UTRN: variants seen among roughly 807,000 people sequenced by gnomAD.
UTRN encodes utrophin.
A neutral mutation model predicts 463.9 loss-of-function variants in UTRN; 283 were observed. The observed-to-expected ratio is 0.61, with a 90% CI of 0.55 to 0.67. UTRN has a LOEUF of 0.67. Ranked by LOEUF, UTRN falls within the 30% of genes least tolerant of loss-of-function variation. UTRN has a pLI of 0.00. For missense variants in UTRN, 3,922 were observed against 4,084.3 expected, an observed-to-expected ratio of 0.96 and a Z score of 1.08; for synonymous variants, 1,442 against 1,431.5, an observed-to-expected ratio of 1.01 and a Z score of -0.17.
chr6:144,636,945 G>A (rs1157589758), intron 51 of UTRN, among the ~76,000 whole-genome samples: 1 of 152,000 alleles, frequency 6.6e-6, no homozygotes, highest in Non-Finnish European at 1.5e-5. Context: ...GGTTGAAATC[G>A]TGCTTCTTTC....
chr6:144,732,911 T>G (rs1788916222), intron 54 of UTRN, among the ~76,000 whole-genome samples: 1 of 152,116 alleles, frequency 6.6e-6, no homozygotes, highest in Admixed American at 6.5e-5. Context: ...TTGTGTTGCC[T>G]AGGTTGGTCA....
intron 13 of UTRN, among the ~76,000 whole-genome samples, chr6:144,441,447 T>G (rs1186563165): frequency 6.6e-6 from 1 of 152,210 alleles, no homozygotes; most frequent in African/African-American, 2.4e-5. Flanking sequence ...TCCTTTGACT[T>G]CATGTTTCAC....
intron 51 of UTRN, among the ~76,000 whole-genome samples, chr6:144,633,413 T>A (rs1331903444): frequency 6.6e-6 from 1 of 152,068 alleles, no homozygotes; most frequent in South Asian, 2.1e-4. Context: ...GTATTTTTTT[T>A]AGTAAAGACG....
intron 51 of UTRN, among the ~76,000 whole-genome samples, chr6:144,651,516 C>G (rs1778814297): frequency 6.6e-6 from 1 of 152,004 alleles, no homozygotes; most frequent in Admixed American, 6.6e-5. Flanking sequence ...CTTTTTTATC[C>G]CATGAAATAT....
At chr6:144,455,196 G>A (rs1175897345) in intron 19 of UTRN, among the ~76,000 whole-genome samples, 1 of 151,956 alleles carries the variant, frequency 6.6e-6, no homozygotes, top group Non-Finnish European at 1.5e-5. Context: ...TTATGCAAAT[G>A]TATTATCAAT....
chr6:144,560,882 A>G (rs772069204), intron 50 of UTRN, among the ~76,000 whole-genome samples: 12 of 152,036 alleles, frequency 7.9e-5, no homozygotes, highest in Non-Finnish European at 1.2e-4. Context: ...AGTAATTAAT[A>G]TAGTTACTTT....
intron 2 of UTRN, among the ~76,000 whole-genome samples, chr6:144,296,289 A>G (rs2473135): frequency 0.098 from 14,966 of 152,238 alleles, 763 homozygotes; most frequent in African/African-American, 0.13. Context: ...GTGAGACTCT[A>G]TGGTGAACCG....
intron 51 of UTRN, among the ~76,000 whole-genome samples, chr6:144,635,552 T>G (rs1175539956): frequency 7.6e-6 from 1 of 132,418 alleles, no homozygotes; most frequent in African/African-American, 3.0e-5. Context: ...TTTTTTTTTT[T>G]TTTTTGAGAG....
intron 51 of UTRN, among the ~76,000 whole-genome samples, chr6:144,612,907 T>G (rs1805676890): frequency 6.6e-6 from 1 of 152,096 alleles, no homozygotes; most frequent in South Asian, 2.1e-4. Flanking sequence ...CACTCTCACG[T>G]TCATTGTAGC....
intron 55 of UTRN, 60 bp from the exon 56 acceptor site, chr6:144,751,746 A>G: frequency 6.8e-7 from 1 of 1,473,390 alleles, no homozygotes; most frequent in Non-Finnish European, 9.1e-7. Context: ...TTAAGGATCA[A>G]CTGTATTAGC....
chr6:144,755,098 A>G (rs929443476), intron 57 of UTRN, among the ~76,000 whole-genome samples: 2 of 152,176 alleles, frequency 1.3e-5, no homozygotes, highest in Non-Finnish European at 2.9e-5. Context: ...GGCAAAGATT[A>G]TGAACTTTTT....
chr6:144,635,146 T>G (rs1273990009), intron 51 of UTRN, among the ~76,000 whole-genome samples: 30 of 149,628 alleles, frequency 2.0e-4, no homozygotes, highest in African/African-American at 6.9e-4. Flanking sequence ...GTGTTTTTTT[T>G]TTTTTTTTTT....
chr6:144,390,079 G>C (rs1204537316), intron 2 of UTRN, among the ~76,000 whole-genome samples: 1 of 152,120 alleles, frequency 6.6e-6, no homozygotes, highest in African/African-American at 2.4e-5. Context: ...AGCATAGAGA[G>C]CAGATTTTAA....
chr6:144,627,464 T>A (rs1349026317), intron 51 of UTRN, among the ~76,000 whole-genome samples: 2 of 152,234 alleles, frequency 1.3e-5, no homozygotes, highest in African/African-American at 4.8e-5. Context: ...TGGTGAAATA[T>A]ACAAAATATG....
chr6:144,419,498 C>T (rs1784643249), intron 3 of UTRN, among the ~76,000 whole-genome samples: 1 of 152,080 alleles, frequency 6.6e-6, no homozygotes, highest in Non-Finnish European at 1.5e-5. Context: ...TACCTAATAC[C>T]TGTTTAAAAA....
At chr6:144,365,181 T>G (rs1779407214) in intron 2 of UTRN, among the ~76,000 whole-genome samples, 1 of 152,158 alleles carries the variant, frequency 6.6e-6, no homozygotes, top group Non-Finnish European at 1.5e-5. Context: ...GAATTGAGAG[T>G]GGTGGATAAT....
intron 51 of UTRN, among the ~76,000 whole-genome samples, chr6:144,633,272 C>G (rs1776729473): frequency 6.7e-6 from 1 of 149,192 alleles, no homozygotes; most frequent in Non-Finnish European, 1.5e-5. Flanking sequence ...CTCTGTCACC[C>G]AGGCTGAAGT....
chr6:144,463,923 T>TTA (rs1339931237), intron 23 of UTRN, among the ~76,000 whole-genome samples: 2 of 151,398 alleles, frequency 1.3e-5, no homozygotes, highest in East Asian at 3.9e-4. Flanking sequence ...ACATCTTTAT[T>TTA]TATATAGAGA....
intron 61 of UTRN, among the ~76,000 whole-genome samples, chr6:144,785,139 C>T (rs1261422441): frequency 6.6e-6 from 1 of 152,150 alleles, no homozygotes; most frequent in African/African-American, 2.4e-5. Flanking sequence ...ATCTACCCTC[C>T]AATTAGGACA....
Sources: allele counts gnomAD v4.1 joint callset (sites outside exome capture counted in the v4.1 genomes callset), GRCh38; gene constraint gnomAD v4.1.1; transcripts MANE v1.5; gene names NCBI Gene and HGNC (gene_info 2026-07-23, HGNC 2026-07-21).